The following FAM227B variants were observed in gnomAD, a reference collection of about 807,000 sequenced individuals.
FAM227B encodes protein FAM227B.
A neutral mutation model predicts 73.8 loss-of-function variants in FAM227B; 88 were observed. That is an observed-to-expected ratio of 1.19 (90% CI 1.00 to 1.42). The LOEUF (loss-of-function observed/expected upper bound fraction) is 1.42, where lower values mean the gene tolerates loss of function less well. Ranked by LOEUF, FAM227B falls within the 40% of genes most tolerant of loss-of-function variation. The pLI, the probability that FAM227B is intolerant of heterozygous loss-of-function variation, is 0.00. For missense variants in FAM227B, 632 were observed against 590.9 expected, an observed-to-expected ratio of 1.07 and a Z score of -0.72; for synonymous variants, 210 against 190.5, an observed-to-expected ratio of 1.10 and a Z score of -0.84.
intron 11 of FAM227B, among the ~76,000 whole-genome samples, chr15:49,408,377 G>A (rs1396430371): frequency 1.3e-5 from 2 of 152,048 alleles, no homozygotes; most frequent in African/African-American, 4.8e-5. Context: ...TCTACTTATT[G>A]TTTGAGTTCA....
Position 49,450,881 on chromosome 15 carries a change from C to T in FAM227B, c.1012+57330G>A, listed in dbSNP as rs140222002. Among the ~76,000 whole-genome samples the T allele has an allele frequency of 5.6e-3, 846 of 152,154 alleles. 6 individuals are homozygous for T. The highest frequency in any genetic ancestry group is 0.019 in the African/African-American group (806 of 41,532). On this transcript the variant is annotated intron_variant, in intron 11 of 15. Coordinates refer to ENST00000299338, the MANE Select transcript of FAM227B (RefSeq NM_152647.3). ...CCAGTTATTCTTTTCCACATGTGGG[C>T]TGAACCTATTTGGGAAAAAAACTAA...
intron 11 of FAM227B, among the ~76,000 whole-genome samples, chr15:49,433,540 G>A (rs998773215): frequency 5.3e-5 from 8 of 151,548 alleles, no homozygotes; most frequent in South Asian, 4.1e-4. Flanking sequence ...AAGCCTTGCT[G>A]AAATAAAAGA....
intron 9 of FAM227B, among the ~76,000 whole-genome samples, chr15:49,544,498 T>C (rs2071536028): frequency 6.6e-6 from 1 of 152,200 alleles, no homozygotes; most frequent in Admixed American, 6.5e-5. Flanking sequence ...ATGCTCTTTA[T>C]TTCATTCTCT....
intron 13 of FAM227B, among the ~76,000 whole-genome samples, chr15:49,354,718 C>T (rs889604742): frequency 6.6e-6 from 1 of 152,158 alleles, no homozygotes; most frequent in Non-Finnish European, 1.5e-5. Context: ...TCGGGAAGCT[C>T]GAACTGGGTG....
chr15:49,568,208 A>T (rs1180733866), intron 9 of FAM227B, 37 bp downstream of exon 9: 1 of 1,491,518 alleles, frequency 6.7e-7, no homozygotes, highest in East Asian at 2.3e-5. Flanking sequence ...CATTCACTTT[A>T]AAAATAATTA....
intron 10 of FAM227B, among the ~76,000 whole-genome samples, chr15:49,517,697 A>C (rs1439167722): frequency 6.6e-6 from 1 of 152,182 alleles, no homozygotes; most frequent in Non-Finnish European, 1.5e-5. Context: ...ATATTCAAAA[A>C]ATGAACAAAT....
chr15:49,331,484 C>T (rs1305621857), intron 15 of FAM227B: 1 of 301,210 alleles, frequency 3.3e-6, no homozygotes, highest in African/African-American at 2.2e-5. Flanking sequence ...GAAAAACTTA[C>T]AATTTTAAAC....
intron 5 of FAM227B, among the ~76,000 whole-genome samples, chr15:49,580,823 A>G (rs1567626180): frequency 6.6e-6 from 1 of 152,230 alleles, no homozygotes. Context: ...AAACACGCTA[A>G]AAGTATTTAA....
chr15:49,544,008 A>G (rs1056951822), intron 9 of FAM227B, among the ~76,000 whole-genome samples: 1 of 151,740 alleles, frequency 6.6e-6, no homozygotes, highest in South Asian at 2.1e-4. Flanking sequence ...GAATTTTAGA[A>G]TTTTTTCTAG....
chr15:49,510,883 C>G (rs1165683392), intron 10 of FAM227B, among the ~76,000 whole-genome samples: 1 of 151,964 alleles, frequency 6.6e-6, no homozygotes, highest in Admixed American at 6.6e-5. Flanking sequence ...GACATTGTTC[C>G]ATTCTCTTCC....
At chr15:49,574,939 G>A in intron 8 of FAM227B, 72 bp downstream of exon 8, 1 of 890,674 alleles carries the variant, frequency 1.1e-6, no homozygotes, top group Non-Finnish European at 1.7e-6. Context: ...TTTTGTACTA[G>A]ACTTATCTCT....
intron 10 of FAM227B, among the ~76,000 whole-genome samples, chr15:49,524,197 C>A (rs1381491731): frequency 6.6e-6 from 1 of 152,184 alleles, no homozygotes; most frequent in Non-Finnish European, 1.5e-5. Context: ...CCCCTCCCAT[C>A]ACAGGCTTGG....
intron 11 of FAM227B, among the ~76,000 whole-genome samples, chr15:49,432,907 CA>C (rs2050744733): frequency 6.6e-6 from 1 of 151,594 alleles, no homozygotes; most frequent in South Asian, 2.1e-4. Context: ...ATAAACTAAC[CA>C]AAAACATTTC....
At chr15:49,619,175 A>G (rs1341265999) in intron 1 of FAM227B, among the ~76,000 whole-genome samples, 1 of 152,204 alleles carries the variant, frequency 6.6e-6, no homozygotes, top group Non-Finnish European at 1.5e-5. Context: ...AGGAAAAAAA[A>G]AAGTGTATTA....
chr15:49,472,332 T>G (rs931947526), intron 11 of FAM227B, among the ~76,000 whole-genome samples: 1 of 152,316 alleles, frequency 6.6e-6, no homozygotes, highest in Admixed American at 6.5e-5. Flanking sequence ...TTTGTTCTCA[T>G]AACCCAAGGT....
chr15:49,366,636 C>G lies in FAM227B; in HGVS notation c.1271+812G>C. On this transcript the variant is annotated intron_variant, in intron 13 of 15. Transcript: ENST00000299338. ...GCGGCTGTCAGCTGGAGCAGGAAGCCCCAGAGCAGGGCGGCCGTGGCAGGG... is the reference window on the plus strand; with the variant it reads ...GCGGCTGTCAGCTGGAGCAGGAAGCGCCAGAGCAGGGCGGCCGTGGCAGGG... 3 of 1,580,764 alleles carry G rather than the reference C, an allele frequency of 1.9e-6. No homozygotes were observed. The Admixed American group carries it at 5.0e-5, about 26-fold the overall frequency.
chr15:49,444,753 T>C (rs559293385), intron 11 of FAM227B, among the ~76,000 whole-genome samples: 7 of 151,846 alleles, frequency 4.6e-5, no homozygotes, highest in African/African-American at 1.7e-4. Context: ...TATCTCCAGC[T>C]TTTTAAATAC....
intron 11 of FAM227B, among the ~76,000 whole-genome samples, chr15:49,472,307 C>T (rs1797069555): frequency 6.6e-6 from 1 of 152,190 alleles, no homozygotes; most frequent in Admixed American, 6.5e-5. Context: ...ATTTAGCTCA[C>T]CGTTCCATAA....
intron 11 of FAM227B, among the ~76,000 whole-genome samples, chr15:49,505,687 T>C (rs1241421126): frequency 2.0e-5 from 3 of 151,952 alleles, no homozygotes; most frequent in Non-Finnish European, 2.9e-5. Context: ...GGAATTAAAA[T>C]AGAATGACAA....
Sources: allele counts gnomAD v4.1 joint callset (sites outside exome capture counted in the v4.1 genomes callset), GRCh38; gene constraint gnomAD v4.1.1; transcripts MANE v1.5; gene names NCBI Gene and HGNC (gene_info 2026-07-23, HGNC 2026-07-21).